CLSTN2: variants seen among roughly 807,000 people sequenced by gnomAD.
CLSTN2 encodes calsyntenin 2, also known as calsyntenin-2.
CLSTN2 carries 48 observed loss-of-function variants against 101.2 expected under a neutral mutation model. The observed-to-expected ratio is 0.47, with a 90% confidence interval of 0.38 to 0.60. The LOEUF (loss-of-function observed/expected upper bound fraction) is 0.60. Among genes scored for constraint, CLSTN2 ranks in the 20% least tolerant of loss-of-function variants. CLSTN2 has a pLI of 0.00. For missense variants in CLSTN2, 1,160 were observed against 1,238.2 expected (o/e 0.94, Z 0.95); for synonymous variants, 481 against 463.6 (o/e 1.04, Z -0.48).
rs55746611 is a variant in CLSTN2, at chr3:140,359,993, T to TACACACAC, written c.233-43608_233-43601dup. ...TATACACACATACATACATATTTTA[T>TACACACAC]ACACACACACACACACACACACACA... is the stretch of plus-strand genomic sequence containing the variant. On this transcript the variant is annotated intron_variant, in intron 2 of 16. Transcript: ENST00000458420. Among the ~76,000 whole-genome samples the TACACACAC allele has an allele frequency of 3.7e-3, 546 of 145,962 alleles. 8 individuals carry two copies. The highest frequency in any genetic ancestry group is 0.013 in the African/African-American group (501 of 39,604).
At chr3:140,201,737 G>A (rs2010719788) in intron 2 of CLSTN2, among the ~76,000 whole-genome samples, 1 of 152,092 alleles carries the variant, frequency 6.6e-6, no homozygotes. Flanking sequence ...TTACATCACA[G>A]CTGAGGTAGA....
chr3:140,467,120 G>A (rs761972559), intron 8 of CLSTN2, among the ~76,000 whole-genome samples: 1 of 152,176 alleles, frequency 6.6e-6, no homozygotes, highest in Non-Finnish European at 1.5e-5. Context: ...TCCTTTGGGT[G>A]ACACAAGGTT....
At chr3:139,960,563 T>TA (rs1935491022) in intron 1 of CLSTN2, among the ~76,000 whole-genome samples, 1 of 152,188 alleles carries the variant, frequency 6.6e-6, no homozygotes, top group Non-Finnish European at 1.5e-5. Flanking sequence ...TTTGAGCCAC[T>TA]AGTACCCACT....
intron 2 of CLSTN2, among the ~76,000 whole-genome samples, 194 bp downstream of exon 2, chr3:140,176,267 G>GT (rs1304829042): frequency 9.2e-5 from 14 of 152,236 alleles, no homozygotes; most frequent in African/African-American, 3.4e-4. Flanking sequence ...TTGTTTGTTT[G>GT]TTTTTTCCTT....
chr3:140,118,637 C>T (rs953138333), intron 1 of CLSTN2, among the ~76,000 whole-genome samples: 6 of 152,078 alleles, frequency 3.9e-5, no homozygotes, highest in African/African-American at 1.4e-4. Context: ...GGATAGAAGG[C>T]CTTAGAATGA....
intron 8 of CLSTN2, among the ~76,000 whole-genome samples, chr3:140,526,970 A>C (rs544371596): frequency 1.7e-4 from 26 of 152,344 alleles, no homozygotes; most frequent in African/African-American, 6.3e-4. Context: ...TAAAACCCCA[A>C]TTATAAAAAT....
At chr3:139,971,526 C>T (rs529042915) in intron 1 of CLSTN2, among the ~76,000 whole-genome samples, 2 of 152,312 alleles carry the variant, frequency 1.3e-5, no homozygotes, top group South Asian at 2.1e-4. Flanking sequence ...GCATTGCAGA[C>T]TTCCTGGAGG....
intron 1 of CLSTN2, among the ~76,000 whole-genome samples, chr3:140,048,293 G>C (rs2007921463): frequency 6.6e-6 from 1 of 152,140 alleles, no homozygotes; most frequent in African/African-American, 2.4e-5. Flanking sequence ...ACCATATCTT[G>C]GGAAATACAG....
chr3:140,210,680 G>A (rs544752331), intron 2 of CLSTN2, among the ~76,000 whole-genome samples: 136 of 152,164 alleles, frequency 8.9e-4, no homozygotes, highest in African/African-American at 3.1e-3. Flanking sequence ...ACCAGTCTTC[G>A]CACCATCCCT....
At chr3:140,143,266 C>T (rs1408003767) in intron 1 of CLSTN2, among the ~76,000 whole-genome samples, 1 of 152,160 alleles carries the variant, frequency 6.6e-6, no homozygotes, top group Non-Finnish European at 1.5e-5. Context: ...AGAAGTTCCG[C>T]AATCTCACAA....
At chr3:139,998,986 G>A (rs1281727046) in intron 1 of CLSTN2, among the ~76,000 whole-genome samples, 20 of 106,732 alleles carry the variant, frequency 1.9e-4, no homozygotes, top group African/African-American at 5.2e-4. Context: ...CTTCTGCCCG[G>A]ACCTTGTGTT....
chr3:140,415,451 C>CA (rs975704748), intron 4 of CLSTN2, among the ~76,000 whole-genome samples: 4 of 72,208 alleles, frequency 5.5e-5, no homozygotes, highest in African/African-American at 2.3e-4. Flanking sequence ...TAAAGTTATC[C>CA]AAAATATATG....
rs554280015 is a variant in CLSTN2 at position 140,021,150 on chromosome 3, C to T, written c.109+85667C>T. Among the ~76,000 whole-genome samples the T allele has an allele frequency of 8.5e-5, 13 of 152,290 alleles. No individual in the cohort carries two copies. In the East Asian group the frequency reaches 1.9e-3, roughly 23 times the overall value. On this transcript the variant is annotated intron_variant, in intron 1 of 16. Coordinates refer to ENST00000458420, the MANE Select transcript of CLSTN2 (RefSeq NM_022131.3). ...TCGAGCCAGGGTTTCCCCAGGTCTC[C>T]GTCCATGGGGGAAGCATCATTGCTA... is the stretch of plus-strand genomic sequence containing the variant.
intron 1 of CLSTN2, among the ~76,000 whole-genome samples, chr3:140,037,919 A>T (rs1180851288): frequency 1.3e-5 from 2 of 152,100 alleles, no homozygotes; most frequent in Admixed American, 6.6e-5. Context: ...GTGTATATGA[A>T]CCACATTTTA....
intron 2 of CLSTN2, among the ~76,000 whole-genome samples, chr3:140,209,792 G>A (rs922016593): frequency 6.6e-6 from 1 of 152,158 alleles, no homozygotes; most frequent in Admixed American, 6.5e-5. Flanking sequence ...ATGAAAGGGA[G>A]TGAATTCAGT....
At chr3:140,188,692 A>G (rs11713717) in intron 2 of CLSTN2, among the ~76,000 whole-genome samples, 52,106 of 152,102 alleles carry the variant, frequency 0.34, 9,985 homozygotes, top group African/African-American at 0.49. Context: ...TTTTTAAGAA[A>G]GTTGTTTTTT....
At chr3:140,267,894 A>C (rs1204305153) in intron 2 of CLSTN2, among the ~76,000 whole-genome samples, 1 of 152,162 alleles carries the variant, frequency 6.6e-6, no homozygotes, top group Non-Finnish European at 1.5e-5. Context: ...CGGAAGACTG[A>C]ATTCCTAGAA....
intron 8 of CLSTN2, among the ~76,000 whole-genome samples, chr3:140,499,309 A>T (rs1269316301): frequency 1.3e-5 from 2 of 152,182 alleles, no homozygotes; most frequent in Admixed American, 6.5e-5. Flanking sequence ...CATGAGCCAC[A>T]GCCCCATCTA....
At chr3:140,081,280 T>C (rs752528760) in intron 1 of CLSTN2, among the ~76,000 whole-genome samples, 36 of 152,214 alleles carry the variant, frequency 2.4e-4, no homozygotes, top group Non-Finnish European at 4.1e-4. Flanking sequence ...GAAGAAAAGA[T>C]AAAGAATACG....
Sources: gnomAD v4.1 joint callset for allele counts (sites outside exome capture counted in the v4.1 genomes callset) on GRCh38, gnomAD v4.1.1 for gene constraint, MANE v1.5 for transcripts, NCBI Gene and HGNC (gene_info 2026-07-23, HGNC 2026-07-21) for gene names.